Variants in AMZ1 observed in about 807,000 individuals in gnomAD.
The protein encoded by AMZ1 is archaemetzincin-1.
Under a neutral mutation model 29.9 loss-of-function variants are expected in AMZ1, and 39 were observed. The ratio of observed to expected loss-of-function variants is 1.30; its 90% CI spans 1.01 to 1.70. The LOEUF (loss-of-function observed/expected upper bound fraction) is 1.70. Ranked by LOEUF, AMZ1 falls within the 40% of genes most tolerant of loss-of-function variation. AMZ1 has a pLI of 0.00. For missense variants in AMZ1, 1,041 were observed against 680.6 expected (o/e 1.53, Z -5.89); for synonymous variants, 458 against 304.0 (o/e 1.51, Z -5.27).
chr7:2,754,723 C>T (rs902382988), intron 4 of AMZ1, among the ~76,000 whole-genome samples: 2 of 152,090 alleles, frequency 1.3e-5, no homozygotes, highest in Non-Finnish European at 2.9e-5. Context: ...CACTCCAGTC[C>T]GAGCAACAGA....
intron 2 of AMZ1, among the ~76,000 whole-genome samples, chr7:2,701,058 CTG>C (rs1415959373): frequency 2.0e-5 from 3 of 152,202 alleles, no homozygotes; most frequent in Non-Finnish European, 4.4e-5. Flanking sequence ...ATCCCAGGCA[CTG>C]TGCTGCGGGC....
chr7:2,737,348 G>T (rs1306508801), intron 4 of AMZ1, among the ~76,000 whole-genome samples: 1 of 137,620 alleles, frequency 7.3e-6, no homozygotes, highest in Admixed American at 8.6e-5. Context: ...GAGTGCAGTG[G>T]TGTGATCTTG....
intron 3 of AMZ1, among the ~76,000 whole-genome samples, chr7:2,704,472 G>C (rs1193542764): frequency 9.7e-6 from 1 of 102,802 alleles, no homozygotes; most frequent in African/African-American, 3.7e-5. Context: ...GACAGAACAA[G>C]ACCCGATCAT....
intron 4 of AMZ1, among the ~76,000 whole-genome samples, chr7:2,743,452 G>A (rs1790607428): frequency 6.6e-6 from 1 of 152,186 alleles, no homozygotes; most frequent in African/African-American, 2.4e-5. Flanking sequence ...CAGATACTGG[G>A]ATGGCTTGAC....
intron 1 of AMZ1, among the ~76,000 whole-genome samples, chr7:2,696,012 GGA>G (rs1491513995): frequency 0.025 from 3,524 of 139,958 alleles, 129 homozygotes; most frequent in African/African-American, 0.088. Flanking sequence ...GTCTTGGGGG[GGA>G]AAAAAAAAAA....
chr7:2,759,181 AAAT>A (rs1392830525), intron 4 of AMZ1, among the ~76,000 whole-genome samples: 5 of 147,686 alleles, frequency 3.4e-5, no homozygotes, highest in South Asian at 2.1e-4. Flanking sequence ...ATAAATAAAT[AAAT>A]AAATAAAATA....
At chr7:2,696,278 A>C (rs1281973010) in intron 1 of AMZ1, among the ~76,000 whole-genome samples, 1 of 119,310 alleles carries the variant, frequency 8.4e-6, no homozygotes. Flanking sequence ...TTTTTTTGAG[A>C]TGGAGTCTCG....
intron 3 of AMZ1, among the ~76,000 whole-genome samples, chr7:2,708,043 G>A (rs1193699224): frequency 3.3e-5 from 5 of 151,832 alleles, no homozygotes; most frequent in Admixed American, 6.6e-5. Context: ...GGCTGGTCTC[G>A]AACTCCTGAC....
chr7:2,709,908 G>A lies in AMZ1; in HGVS notation c.948+92G>A, dbSNP rs566258952. On this transcript the variant is annotated intron_variant, in intron 6 of 6. Transcript: ENST00000683327. The stretch of plus-strand genomic sequence containing the variant: ...GGAGGCTACGCAGGGCATGGGGACC[G>A]CACACAGGCTTTGTCAACTGCCGGG... The A allele has an allele frequency of 5.0e-4, 758 of 1,516,064 alleles. 6 individuals are homozygous for A. In the South Asian group the frequency reaches 8.1e-3, roughly 16 times the overall value. 93.9% of individuals were successfully genotyped at this position (1,516,064 alleles called of 1,614,324 possible).
At chr7:2,706,893 G>A (rs1414570800) in intron 3 of AMZ1, among the ~76,000 whole-genome samples, 1 of 142,152 alleles carries the variant, frequency 7.0e-6, no homozygotes, top group African/African-American at 3.1e-5. Context: ...GCCGAGGCAG[G>A]AAGATTGCTT....
intron 4 of AMZ1, among the ~76,000 whole-genome samples, chr7:2,724,811 C>G (rs767539444): frequency 6.6e-6 from 1 of 152,304 alleles, no homozygotes; most frequent in African/African-American, 2.4e-5. Context: ...AGCCACGTGC[C>G]GAGGCTGCCG....
At chr7:2,691,073 G>A (rs1306326847) in intron 1 of AMZ1, among the ~76,000 whole-genome samples, 2 of 147,742 alleles carry the variant, frequency 1.4e-5, no homozygotes, top group East Asian at 4.0e-4. Context: ...CCCTGGAGGA[G>A]AAGGAGGTTG....
At chr7:2,757,292 GC>G (rs1161048135) in intron 4 of AMZ1, among the ~76,000 whole-genome samples, 12 of 151,652 alleles carry the variant, frequency 7.9e-5, no homozygotes, top group African/African-American at 2.9e-4. Flanking sequence ...CCGCCACCAT[GC>G]CCGGCTAATT....
intron 4 of AMZ1, among the ~76,000 whole-genome samples, chr7:2,725,657 C>T (rs1197042385): frequency 6.6e-6 from 1 of 152,190 alleles, no homozygotes; most frequent in Non-Finnish European, 1.5e-5. Context: ...CCTGTGGGCT[C>T]CACTCCCAGA....
intron 4 of AMZ1, among the ~76,000 whole-genome samples, chr7:2,744,633 C>T (rs998970815): frequency 6.6e-6 from 1 of 152,190 alleles, no homozygotes; most frequent in Admixed American, 6.5e-5. Context: ...CAAAGGAACG[C>T]AGCTCCTCAC....
intron 1 of AMZ1, among the ~76,000 whole-genome samples, chr7:2,692,415 G>C (rs1021557831): frequency 6.6e-6 from 1 of 152,186 alleles, no homozygotes; most frequent in East Asian, 1.9e-4. Context: ...GGTGGCGGGC[G>C]CCTTTAGTCC....
chr7:2,762,987 T>C, upstream of AMZ1: 5 of 1,318,390 alleles, frequency 3.8e-6, no homozygotes, highest in Non-Finnish European at 4.8e-6. Flanking sequence ...AGAGCCCTTG[T>C]GTGCTACTGT....
chr7:2,757,121 A>AG (rs1432195349), intron 4 of AMZ1, among the ~76,000 whole-genome samples: 4 of 134,704 alleles, frequency 3.0e-5, no homozygotes, highest in Non-Finnish European at 6.4e-5. Context: ...CGATCTAATC[A>AG]GGTGGGCCTT....
intron 4 of AMZ1, among the ~76,000 whole-genome samples, chr7:2,736,320 T>C (rs974549281): frequency 1.3e-5 from 2 of 152,094 alleles, no homozygotes; most frequent in African/African-American, 4.8e-5. Flanking sequence ...CTCGGGACTC[T>C]CCTTGGTGTG....
Sources: allele counts gnomAD v4.1 joint callset (sites outside exome capture counted in the v4.1 genomes callset), GRCh38; gene constraint gnomAD v4.1.1; transcripts MANE v1.5; gene names NCBI Gene and HGNC (gene_info 2026-07-23, HGNC 2026-07-21).